The following KCNU1 variants were observed in gnomAD, a reference collection of about 807,000 sequenced individuals.
The protein encoded by KCNU1 is potassium calcium-activated channel subfamily U member 1, also known as potassium channel subfamily U member 1.
Under a neutral mutation model 126.8 loss-of-function variants are expected in KCNU1, and 93 were observed. That is an observed-to-expected ratio of 0.73 (90% CI 0.62 to 0.87). The LOEUF (loss-of-function observed/expected upper bound fraction) is 0.87. KCNU1 is among the 40% of genes least tolerant of loss of function. The probability of loss-of-function intolerance (pLI) is 0.00; values close to 1 mark genes in which losing one functional copy is unlikely to be tolerated. For missense variants in KCNU1, 1,330 were observed against 1,367.1 expected (o/e 0.97, Z 0.43); for synonymous variants, 523 against 494.2 (o/e 1.06, Z -0.77).
chr8:36,838,688 C>A (rs951447969), intron 14 of KCNU1, among the ~76,000 whole-genome samples: 11 of 152,056 alleles, frequency 7.2e-5, no homozygotes, highest in African/African-American at 2.7e-4. Context: ...CAGAGTGAGA[C>A]TCTGTCTCAA....
At chr8:36,810,135 C>T (rs1030215472) in intron 7 of KCNU1, among the ~76,000 whole-genome samples, 1 of 152,032 alleles carries the variant, frequency 6.6e-6, no homozygotes, top group Non-Finnish European at 1.5e-5. Flanking sequence ...GTCTGTAGTT[C>T]CAGCTACTTG....
chr8:36,912,597 A>G (rs1807920171), intron 22 of KCNU1, among the ~76,000 whole-genome samples: 1 of 152,020 alleles, frequency 6.6e-6, no homozygotes, highest in African/African-American at 2.4e-5. Context: ...GGATTCACTC[A>G]TCATTTGTGT....
chr8:36,821,150 G>A (rs1010515608), intron 10 of KCNU1, among the ~76,000 whole-genome samples: 1 of 152,164 alleles, frequency 6.6e-6, no homozygotes, highest in African/African-American at 2.4e-5. Context: ...GAAAGCTACT[G>A]AAGTATAAAC....
intron 24 of KCNU1, among the ~76,000 whole-genome samples, chr8:36,923,849 G>A (rs1196317180): frequency 1.3e-5 from 2 of 152,312 alleles, no homozygotes; most frequent in Admixed American, 1.3e-4. Context: ...CTTACGAAAG[G>A]TTTAAGGAAG....
At chr8:36,905,494 C>T (rs1310423856) in intron 19 of KCNU1, among the ~76,000 whole-genome samples, 1 of 151,490 alleles carries the variant, frequency 6.6e-6, no homozygotes, top group Admixed American at 6.6e-5. Context: ...TGGCTTTTGC[C>T]CAAAATGCTT....
At chr8:36,914,580 G>T (rs772083988) in intron 22 of KCNU1, among the ~76,000 whole-genome samples, 2 of 152,144 alleles carry the variant, frequency 1.3e-5, no homozygotes, top group African/African-American at 4.8e-5. Context: ...ATTCACCAAC[G>T]GAAATTGGAT....
In KCNU1 at chr8:36,930,980, G is replaced by C; in HGVS notation, c.2766G>C (p.Leu922Phe). 2 of 1,607,930 alleles carry C rather than the reference G, an allele frequency of 1.2e-6. No individual in the cohort carries two copies. The highest frequency in any genetic ancestry group is 1.7e-6 in the Non-Finnish European group (2 of 1,177,198). Residue 922 changes from leucine to phenylalanine, a missense_variant, in exon 25 of 27, where the codon TTG becomes TTC. Physicochemically the swap from Leu to Phe is conservative, Grantham distance 22 (BLOSUM62 0). Transcript: ENST00000399881. Reference protein sequence around the residue: ...TAFYNYHVLELLQMLVTGGVS... With the variant: ...TAFYNYHVLEFLQMLVTGGVS... ...TCTACAATTATCATGTCCTGGAATTGCTTCAGATGCTGGTGACAGGAGGAG... is the reference window on the plus strand; with the variant it reads ...TCTACAATTATCATGTCCTGGAATTCCTTCAGATGCTGGTGACAGGAGGAG...
rs577836355 is a variant in KCNU1 at position 36,928,352 on chromosome 8, C to T, written c.2737-2599C>T. On this transcript the variant is annotated intron_variant, in intron 24 of 26. Transcript: ENST00000399881. ...ATTCTAATGGCATTATGTTCGATCA[C>T]TCTACACTATGGCCACATGTTCTTA... Among the ~76,000 whole-genome samples, 4 of 152,182 alleles carry T rather than the reference C, an allele frequency of 2.6e-5. No homozygotes were observed. In the East Asian group the frequency reaches 7.8e-4, roughly 30 times the overall value.
chr8:36,898,459 G>T (rs1270328329), intron 19 of KCNU1, among the ~76,000 whole-genome samples: 1 of 151,726 alleles, frequency 6.6e-6, no homozygotes, highest in Non-Finnish European at 1.5e-5. Flanking sequence ...GTTGAACCCT[G>T]ACCTGAACTC....
chr8:36,875,189 A>T (rs911750640), intron 19 of KCNU1, among the ~76,000 whole-genome samples: 10 of 151,920 alleles, frequency 6.6e-5, no homozygotes, highest in Non-Finnish European at 7.4e-5. Context: ...ATTTTAATGC[A>T]TTTTATTAGG....
intron 2 of KCNU1, among the ~76,000 whole-genome samples, chr8:36,798,610 C>A (rs1307255168): frequency 6.6e-6 from 1 of 152,148 alleles, no homozygotes; most frequent in Non-Finnish European, 1.5e-5. Context: ...TTCAGAAGAA[C>A]CTTGGTCTCC....
At chr8:36,922,285 A>G (rs983688650) in intron 23 of KCNU1, among the ~76,000 whole-genome samples, 2 of 152,174 alleles carry the variant, frequency 1.3e-5, no homozygotes, top group African/African-American at 2.4e-5. Context: ...AATGTACCCA[A>G]TAGAACTATG....
At chr8:36,910,323 C>T (rs1203859126) in intron 21 of KCNU1, among the ~76,000 whole-genome samples, 1 of 152,150 alleles carries the variant, frequency 6.6e-6, no homozygotes, top group Non-Finnish European at 1.5e-5. Flanking sequence ...TAAAAAGCCA[C>T]TGTAAGTTTC....
intron 18 of KCNU1, among the ~76,000 whole-genome samples, chr8:36,860,172 G>A (rs946127124): frequency 6.6e-6 from 1 of 152,084 alleles, no homozygotes; most frequent in Non-Finnish European, 1.5e-5. Flanking sequence ...CCGCCTTCGA[G>A]GTTCAAGTGA....
intron 2 of KCNU1, among the ~76,000 whole-genome samples, chr8:36,802,771 T>A (rs10216620): frequency 0.27 from 41,673 of 152,074 alleles, 7,126 homozygotes; most frequent in African/African-American, 0.46. Flanking sequence ...ATTTTCAAAG[T>A]ATTTCACTTC....
intron 3 of KCNU1, among the ~76,000 whole-genome samples, chr8:36,804,557 G>C (rs774725397): frequency 1.4e-4 from 22 of 152,224 alleles, no homozygotes; most frequent in Non-Finnish European, 2.8e-4. Flanking sequence ...ATTGTTGCCT[G>C]CTGTCCTCTG....
intron 19 of KCNU1, among the ~76,000 whole-genome samples, chr8:36,873,106 A>G (rs1806161611): frequency 6.6e-6 from 1 of 152,132 alleles, no homozygotes; most frequent in South Asian, 2.1e-4. Context: ...AACCAAACAA[A>G]CAAAAAACCC....
At chr8:36,792,774 G>A (rs755196199) in intron 2 of KCNU1, among the ~76,000 whole-genome samples, 20 of 152,078 alleles carry the variant, frequency 1.3e-4, no homozygotes, top group Non-Finnish European at 2.6e-4. Context: ...TTATTATAGT[G>A]TTGTCATTAT....
chr8:36,876,564 G>GGGT (rs1806285287), intron 19 of KCNU1, among the ~76,000 whole-genome samples: 1 of 152,118 alleles, frequency 6.6e-6, no homozygotes, highest in Non-Finnish European at 1.5e-5. Context: ...AGGTAGGGCA[G>GGGT]GGTAGGCATT....
Sources: allele counts gnomAD v4.1 joint callset (sites outside exome capture counted in the v4.1 genomes callset), GRCh38; gene constraint gnomAD v4.1.1; transcripts MANE v1.5; gene names NCBI Gene and HGNC (gene_info 2026-07-23, HGNC 2026-07-21).